Variants in IKZF3 observed in about 807,000 individuals in gnomAD.
The protein encoded by IKZF3 is IKAROS family zinc finger 3.
In IKZF3, 10 loss-of-function variants were observed where a neutral mutation model predicts 49.0. That is an observed-to-expected ratio of 0.20 (90% CI 0.13 to 0.35). IKZF3 has a LOEUF of 0.35. IKZF3 is among the 10% of genes least tolerant of loss of function. The pLI is 1.00. For missense variants in IKZF3, 498 were observed against 664.8 expected, an observed-to-expected ratio of 0.75 and a Z score of 2.76; for synonymous variants, 209 against 228.2, an observed-to-expected ratio of 0.92 and a Z score of 0.76.
intron 3 of IKZF3, among the ~76,000 whole-genome samples, chr17:39,797,570 G>T (rs144988674): frequency 3.4e-3 from 509 of 151,802 alleles, no homozygotes; most frequent in Non-Finnish European, 5.9e-3. Flanking sequence ...CTATAGGCAC[G>T]TGCCACCACA....
intron 5 of IKZF3, among the ~76,000 whole-genome samples, chr17:39,790,109 T>A (rs2060980839): frequency 6.6e-6 from 1 of 152,200 alleles, no homozygotes; most frequent in Non-Finnish European, 1.5e-5. Flanking sequence ...ATATACTCAA[T>A]GAATTTGTCA....
chr17:39,818,031 G>C (rs1056926020), intron 3 of IKZF3, among the ~76,000 whole-genome samples: 1 of 152,180 alleles, frequency 6.6e-6, no homozygotes, highest in Non-Finnish European at 1.5e-5. Context: ...AACCTAGACA[G>C]TATGGCCTAC....
At chr17:39,780,407 A>G (rs1394139924) in intron 6 of IKZF3, among the ~76,000 whole-genome samples, 1 of 152,152 alleles carries the variant, frequency 6.6e-6, no homozygotes, top group Admixed American at 6.5e-5. Context: ...TCTGTTACCC[A>G]GGGTGGAGTG....
At chr17:39,828,808 GC>G (rs2062026046) in intron 3 of IKZF3, among the ~76,000 whole-genome samples, 1 of 152,004 alleles carries the variant, frequency 6.6e-6, no homozygotes, top group Non-Finnish European at 1.5e-5. Flanking sequence ...GGCCAGCCTG[GC>G]CAACATGGTA....
chr17:39,824,136 C>A (rs556076454), intron 3 of IKZF3, among the ~76,000 whole-genome samples: 1 of 152,300 alleles, frequency 6.6e-6, no homozygotes, highest in African/African-American at 2.4e-5. Flanking sequence ...GCCATGGGAG[C>A]CCACCTCTTG....
chr17:39,815,075 G>A (rs572885163), intron 3 of IKZF3, among the ~76,000 whole-genome samples: 21 of 152,270 alleles, frequency 1.4e-4, no homozygotes, highest in Admixed American at 3.9e-4. Flanking sequence ...TTAAATACAG[G>A]GGGTCAGTAG....
At chr17:39,794,598 T>G (rs1363916786) in intron 3 of IKZF3, among the ~76,000 whole-genome samples, 1 of 152,198 alleles carries the variant, frequency 6.6e-6, no homozygotes, top group Non-Finnish European at 1.5e-5. Flanking sequence ...CCTACCACAG[T>G]TCATGGTTCA....
chr17:39,810,389 C>T (rs552866645), intron 3 of IKZF3, among the ~76,000 whole-genome samples: 1 of 151,852 alleles, frequency 6.6e-6, no homozygotes, highest in Admixed American at 6.6e-5. Context: ...TAGTTTAAAC[C>T]ATTACCACAC....
At chr17:39,839,071 T>A (rs1179211438) in intron 1 of IKZF3, among the ~76,000 whole-genome samples, 1 of 152,110 alleles carries the variant, frequency 6.6e-6, no homozygotes, top group Admixed American at 6.5e-5. Flanking sequence ...CCTCAAGGAA[T>A]CCTCTTGCCT....
intron 5 of IKZF3, among the ~76,000 whole-genome samples, chr17:39,789,152 G>A (rs552424929): frequency 6.4e-4 from 97 of 152,248 alleles, no homozygotes; most frequent in African/African-American, 2.0e-3. Context: ...AAAATAGGCC[G>A]GGCGCAGTGG....
intron 6 of IKZF3, chr17:39,778,304 TTTTTC>T: frequency 8.8e-6 from 4 of 456,496 alleles, no homozygotes; most frequent in African/African-American, 2.1e-5. Flanking sequence ...TTTCTTTTTC[TTTTTC>T]TTTTTTTTTT....
chr17:39,809,975 A>G (rs2061513293), intron 3 of IKZF3, among the ~76,000 whole-genome samples: 1 of 152,252 alleles, frequency 6.6e-6, no homozygotes, highest in South Asian at 2.1e-4. Context: ...AAGACTTTAC[A>G]TGCTTTGGTC....
Position 39,776,208 on chromosome 17 carries a change from G to A in IKZF3, c.826+1443C>T, listed in dbSNP as rs570404384. Among the ~76,000 whole-genome samples the A allele has an allele frequency of 6.6e-5, 10 of 152,220 alleles. No homozygotes were observed. The South Asian group carries it at 1.9e-3, about 28-fold the overall frequency. On this transcript the variant is annotated intron_variant, in intron 7 of 7. Transcript: ENST00000346872. Reference sequence around the variant, plus strand: ...TGAGGCTGTGATTGCACCACAGCACGCCAGCCTAGGCAGTACAGTGAGACC... The same window carrying A: ...TGAGGCTGTGATTGCACCACAGCACACCAGCCTAGGCAGTACAGTGAGACC...
At chr17:39,827,782 G>A (rs536096996) in intron 3 of IKZF3, among the ~76,000 whole-genome samples, 2 of 152,334 alleles carry the variant, frequency 1.3e-5, no homozygotes, top group Admixed American at 6.5e-5. Context: ...AGCCCATAAT[G>A]TCAAACAATG....
intron 3 of IKZF3, 152 bp from the exon 4 acceptor site, chr17:39,793,085 G>T: frequency 6.7e-6 from 5 of 749,774 alleles, no homozygotes; most frequent in Non-Finnish European, 1.1e-5. Context: ...CCATTAGCGT[G>T]ACCGCACGTT....
At chr17:39,832,473 A>G (rs1238398173) in intron 1 of IKZF3, among the ~76,000 whole-genome samples, 5 of 151,772 alleles carry the variant, frequency 3.3e-5, no homozygotes, top group Non-Finnish European at 7.4e-5. Context: ...AACACATAGA[A>G]AAAAAGAGTT....
chr17:39,836,322 C>T (rs527907807), intron 1 of IKZF3, among the ~76,000 whole-genome samples: 20 of 152,242 alleles, frequency 1.3e-4, no homozygotes, highest in African/African-American at 3.4e-4. Context: ...GAGGAACTGA[C>T]GCAGGCACCA....
chr17:39,766,690 A>C (rs1398242288), intron 7 of IKZF3, among the ~76,000 whole-genome samples, 197 bp from the exon 8 acceptor site: 2 of 152,186 alleles, frequency 1.3e-5, no homozygotes, highest in African/African-American at 4.8e-5. Context: ...TGGTTAAAAT[A>C]AAGCCAGCAG....
chr17:39,784,407 G>T (rs1310244501), intron 6 of IKZF3, among the ~76,000 whole-genome samples: 1 of 147,616 alleles, frequency 6.8e-6, no homozygotes, highest in Non-Finnish European at 1.5e-5. Flanking sequence ...TATCACTAGT[G>T]TCTTTTTTTT....
Sources: gnomAD v4.1 joint callset for allele counts (sites outside exome capture counted in the v4.1 genomes callset) on GRCh38, gnomAD v4.1.1 for gene constraint, MANE v1.5 for transcripts, NCBI Gene and HGNC (gene_info 2026-07-23, HGNC 2026-07-21) for gene names.